Variants in CRISPLD2 observed in about 807,000 individuals in gnomAD.
The protein encoded by CRISPLD2 is cysteine-rich secretory protein LCCL domain-containing 2.
Under a neutral mutation model 71.1 loss-of-function variants are expected in CRISPLD2, and 47 were observed. That is an observed-to-expected ratio of 0.66 (90% confidence interval 0.52 to 0.84). The LOEUF (loss-of-function observed/expected upper bound fraction) is 0.84. Among genes scored for constraint, CRISPLD2 ranks in the 40% least tolerant of loss-of-function variants. The pLI is 0.00. For synonymous variants in CRISPLD2, 317 were observed against 250.1 expected (o/e 1.27, Z -2.52); for missense variants, 830 against 651.1 (o/e 1.27, Z -2.99).
chr16:84,826,139 T>G (rs996422657), intron 1 of CRISPLD2, among the ~76,000 whole-genome samples: 4 of 152,064 alleles, frequency 2.6e-5, no homozygotes, highest in African/African-American at 9.7e-5. Flanking sequence ...GGCACAAAGG[T>G]GGGGCATGGA....
At chr16:84,831,160 C>A (rs1318854675) in intron 1 of CRISPLD2, among the ~76,000 whole-genome samples, 1 of 152,088 alleles carries the variant, frequency 6.6e-6, no homozygotes, top group Non-Finnish European at 1.5e-5. Context: ...TGAGACGCAG[C>A]CATGGAAGAG....
At chr16:84,905,322 A>G (rs1597490371) in intron 14 of CRISPLD2, among the ~76,000 whole-genome samples, 1 of 152,266 alleles carries the variant, frequency 6.6e-6, no homozygotes, top group South Asian at 2.1e-4. Flanking sequence ...AACTCTATAA[A>G]ATCTCTAAAA....
chr16:84,824,139 G>A (rs1309520727), intron 1 of CRISPLD2, among the ~76,000 whole-genome samples: 1 of 152,134 alleles, frequency 6.6e-6, no homozygotes, highest in African/African-American at 2.4e-5. Flanking sequence ...GGGAGCTGGC[G>A]AGGGTGCCCC....
intron 3 of CRISPLD2, among the ~76,000 whole-genome samples, chr16:84,847,294 G>A (rs549817225): frequency 3.3e-5 from 5 of 152,258 alleles, no homozygotes; most frequent in East Asian, 1.9e-4. Flanking sequence ...GATCGACCGC[G>A]GTGACTTCAC....
chr16:84,878,054 CAAAAAA>C (rs60773992), intron 12 of CRISPLD2, among the ~76,000 whole-genome samples: 5 of 97,494 alleles, frequency 5.1e-5, no homozygotes, highest in African/African-American at 1.7e-4. Flanking sequence ...ACTAAAAATA[CAAAAAA>C]AAAAAAAAAA....
At chr16:84,843,954 C>G (rs535175692) in intron 2 of CRISPLD2, among the ~76,000 whole-genome samples, 9 of 152,334 alleles carry the variant, frequency 5.9e-5, no homozygotes, top group African/African-American at 2.2e-4. Flanking sequence ...TGGGCAGGTA[C>G]TCCCTGCTGG....
intron 14 of CRISPLD2, among the ~76,000 whole-genome samples, chr16:84,890,798 A>G (rs1015752148): frequency 6.6e-6 from 1 of 151,638 alleles, no homozygotes; most frequent in Non-Finnish European, 1.5e-5. Flanking sequence ...TCTGTCTCAA[A>G]AAAAAGAAAA....
rs773618650 is a variant in CRISPLD2, at chr16:84,893,839, T to C, written c.1439+4476T>C. On this transcript the variant is annotated intron_variant, in intron 14 of 14. Transcript: ENST00000262424. ...AAATTTCCCAGGAGCTTATTCCCAATAGGGGCTGTGGAAACCCAGCCTGGA... is the reference window on the plus strand; with the variant it reads ...AAATTTCCCAGGAGCTTATTCCCAACAGGGGCTGTGGAAACCCAGCCTGGA... Among the ~76,000 whole-genome samples, 6 of 152,274 alleles carry C rather than the reference T, an allele frequency of 3.9e-5. No individual in the cohort carries two copies. In the East Asian group the frequency reaches 9.6e-4, roughly 24 times the overall value.
At chr16:84,873,205 G>T (rs186158972) in intron 10 of CRISPLD2, 83 bp downstream of exon 10, 32 of 1,509,552 alleles carry the variant, frequency 2.1e-5, no homozygotes, top group Middle Eastern at 1.8e-4. Flanking sequence ...ATACCACACA[G>T]GCCGGGCGTG....
chr16:84,903,231 G>A (rs1190673180), intron 14 of CRISPLD2, among the ~76,000 whole-genome samples: 1 of 152,038 alleles, frequency 6.6e-6, no homozygotes, highest in Admixed American at 6.6e-5. Flanking sequence ...TCTCCAGCCT[G>A]GCCCCTTCCT....
In CRISPLD2 at chr16:84,888,201, C is replaced by T. The variant is rs187275795; in HGVS notation, c.1306-1029C>T. Among the ~76,000 whole-genome samples the T allele has an allele frequency of 2.2e-3, 340 of 152,342 alleles. 2 individuals carry two copies. Among genetic ancestry groups the T allele is most frequent in the Non-Finnish European group, 4.0e-3 (274 of 68,034 alleles). Reference sequence around the variant, plus strand: ...GCCTTTTCCGGCTTCTAGAGGCCACCTGCATTCATTGGCTCATGGCCTCTT... The same window carrying T: ...GCCTTTTCCGGCTTCTAGAGGCCACTTGCATTCATTGGCTCATGGCCTCTT... On this transcript the variant is annotated intron_variant, in intron 13 of 14. Coordinates refer to ENST00000262424, the MANE Select transcript of CRISPLD2 (RefSeq NM_031476.4).
rs137858346 is a variant in CRISPLD2, at chr16:84,869,626, T to C, written c.914+715T>C. 2.0e-3 allele frequency among the ~76,000 whole-genome samples: 311 copies of C among 152,264 alleles called. 2 individuals are homozygous for C. Among genetic ancestry groups the C allele is most frequent in the African/African-American group, 7.1e-3 (297 of 41,576 alleles). ...TCGTTTGTTGGTGAGATGAGCCTCA[T>C]GTGTCAACAGTCAGCAGTGGAATAA... On this transcript the variant is annotated intron_variant, in intron 8 of 14. Transcript: ENST00000262424.
chr16:84,889,565 A>G (rs1426745673), intron 14 of CRISPLD2, among the ~76,000 whole-genome samples: 1 of 147,558 alleles, frequency 6.8e-6, no homozygotes, highest in Non-Finnish European at 1.5e-5. Flanking sequence ...GCTTTTCCCT[A>G]CTATCACATT....
At chr16:84,826,196 TATAGGGCCTGGTGTGAC>T (rs762498673) in intron 1 of CRISPLD2, among the ~76,000 whole-genome samples, 3 of 152,112 alleles carry the variant, frequency 2.0e-5, no homozygotes, top group Non-Finnish European at 2.9e-5. Flanking sequence ...CGGTTCTGGT[TATAGGGCCTGGTGTGAC>T]CAGAAAGAAG....
rs781115960 is a variant in CRISPLD2 at position 84,885,812 on chromosome 16, C to CTTTTTTT, written c.1306-3402_1306-3396dup. On this transcript the variant is annotated intron_variant, in intron 13 of 14. Transcript: ENST00000262424. Reference sequence around the variant, plus strand: ...TTAATGTGGGAATGTTGGATCCCTTCTTTTTTTTTTTTTTTTTTTTTTGAG... The same window carrying CTTTTTTT: ...TTAATGTGGGAATGTTGGATCCCTTCTTTTTTTTTTTTTTTTTTTTTTTTTTTTTGAG... Among the ~76,000 whole-genome samples, 259 of 95,754 alleles carry CTTTTTTT rather than the reference C, an allele frequency of 2.7e-3. 12 individuals are homozygous for CTTTTTTT. Among genetic ancestry groups the CTTTTTTT allele is most frequent in the Middle Eastern group, 0.017 (2 of 120 alleles). 62.8% of individuals were successfully genotyped at this position (95,754 alleles called of 152,430 possible).
At chr16:84,825,787 A>G (rs1435875229) in intron 1 of CRISPLD2, among the ~76,000 whole-genome samples, 3 of 151,678 alleles carry the variant, frequency 2.0e-5, no homozygotes, top group Non-Finnish European at 2.9e-5. Flanking sequence ...AAATAAATAC[A>G]TAAATACATA....
At chr16:84,867,094 G>T in intron 7 of CRISPLD2, 54 bp downstream of exon 7, 6 of 1,578,700 alleles carry the variant, frequency 3.8e-6, no homozygotes, top group Non-Finnish European at 5.2e-6. Context: ...CTCCAAAGGG[G>T]ACGGGGTGGG....
intron 3 of CRISPLD2, among the ~76,000 whole-genome samples, chr16:84,847,590 G>A (rs1029960687): frequency 1.3e-5 from 2 of 151,890 alleles, no homozygotes; most frequent in Non-Finnish European, 2.9e-5. Flanking sequence ...GGCGGAGGCT[G>A]CAGTGAGCCA....
intron 5 of CRISPLD2, among the ~76,000 whole-genome samples, chr16:84,853,928 C>T (rs754240994): frequency 2.6e-5 from 4 of 152,246 alleles, no homozygotes; most frequent in Non-Finnish European, 5.9e-5. Flanking sequence ...TCTTCACAGC[C>T]CAGGAGCCGC....
Sources: allele counts gnomAD v4.1 joint callset (sites outside exome capture counted in the v4.1 genomes callset), GRCh38; gene constraint gnomAD v4.1.1; transcripts MANE v1.5; gene names NCBI Gene and HGNC (gene_info 2026-07-23, HGNC 2026-07-21).